Variants in ALCAM observed in about 807,000 individuals in gnomAD.
ALCAM encodes the protein CD166 antigen.
A neutral mutation model predicts 70.9 loss-of-function variants in ALCAM; 30 were observed. That is an observed-to-expected ratio of 0.42 (90% CI 0.32 to 0.57). The LOEUF is 0.57. Among genes scored for constraint, ALCAM ranks in the 20% least tolerant of loss-of-function variants. ALCAM has a pLI of 0.11. For missense variants in ALCAM, 591 were observed against 695.1 expected, an observed-to-expected ratio of 0.85 and a Z score of 1.68; for synonymous variants, 249 against 242.5, an observed-to-expected ratio of 1.03 and a Z score of -0.25.
chr3:105,389,740 C>T (rs754841704), intron 1 of ALCAM, among the ~76,000 whole-genome samples: 2 of 151,146 alleles, frequency 1.3e-5, no homozygotes, highest in African/African-American at 2.4e-5. Flanking sequence ...GTCCCTCCCC[C>T]CTACCCCCTC....
At chr3:105,414,218 G>A (rs185285471) in intron 1 of ALCAM, among the ~76,000 whole-genome samples, 92 of 148,524 alleles carry the variant, frequency 6.2e-4, no homozygotes, top group African/African-American at 2.2e-3. Flanking sequence ...GGGCAAAACC[G>A]ATGGAATGAT....
At chr3:105,568,058 A>ATTTTTT (rs34005304) in intron 14 of ALCAM, among the ~76,000 whole-genome samples, 11 of 116,282 alleles carry the variant, frequency 9.5e-5, no homozygotes, top group African/African-American at 2.1e-4. Flanking sequence ...ATTTTATTTT[A>ATTTTTT]TTTTATTTTT....
At chr3:105,372,845 A>G (rs761150805) in intron 1 of ALCAM, among the ~76,000 whole-genome samples, 5 of 152,122 alleles carry the variant, frequency 3.3e-5, no homozygotes, top group Non-Finnish European at 7.4e-5. Context: ...AAAAACATCT[A>G]TGAGATGAAA....
intron 1 of ALCAM, among the ~76,000 whole-genome samples, chr3:105,492,534 T>C (rs1364213043): frequency 2.0e-5 from 3 of 152,206 alleles, no homozygotes; most frequent in Non-Finnish European, 4.4e-5. Flanking sequence ...TCTCTGACTA[T>C]TTAAATTTTA....
At chr3:105,369,914 G>A (rs1010746177) in intron 1 of ALCAM, among the ~76,000 whole-genome samples, 1 of 152,038 alleles carries the variant, frequency 6.6e-6, no homozygotes, top group Non-Finnish European at 1.5e-5. Flanking sequence ...TTCAACATCC[G>A]AGATAGCAAT....
At chr3:105,469,157 A>G (rs1386542008) in intron 1 of ALCAM, among the ~76,000 whole-genome samples, 1 of 107,590 alleles carries the variant, frequency 9.3e-6, no homozygotes, top group Non-Finnish European at 1.9e-5. Context: ...TATTCCCCCA[A>G]CAAGTATTGC....
At chr3:105,491,854 G>A (rs1938595001) in intron 1 of ALCAM, among the ~76,000 whole-genome samples, 2 of 152,130 alleles carry the variant, frequency 1.3e-5, no homozygotes, top group Admixed American at 6.5e-5. Context: ...ACATCTTCCT[G>A]TCTTCTTCTG....
chr3:105,378,253 T>C (rs1407820063), intron 1 of ALCAM, among the ~76,000 whole-genome samples: 1 of 151,982 alleles, frequency 6.6e-6, no homozygotes, highest in Non-Finnish European at 1.5e-5. Flanking sequence ...AAAAATTATA[T>C]GCCGAAAGTA....
At chr3:105,390,246 T>C (rs1239614002) in intron 1 of ALCAM, among the ~76,000 whole-genome samples, 1 of 151,890 alleles carries the variant, frequency 6.6e-6, no homozygotes, top group African/African-American at 2.4e-5. Flanking sequence ...CTTGCCAGCA[T>C]CTGCAGCATC....
chr3:105,426,355 T>A lies in ALCAM; in HGVS notation c.73+58874T>A, dbSNP rs566632125. Among the ~76,000 whole-genome samples the A allele has an allele frequency of 2.6e-5, 4 of 152,102 alleles. No individual in the cohort carries two copies. In the East Asian group the frequency reaches 7.8e-4, roughly 29 times the overall value. ...TAAAACATTATTATATTCTTTAAAA[T>A]GTACATATAACAATTGTACATATTT... is the stretch of plus-strand genomic sequence containing the variant. On this transcript the variant is annotated intron_variant, in intron 1 of 15. Coordinates refer to ENST00000306107, the MANE Select transcript of ALCAM (RefSeq NM_001627.4).
intron 1 of ALCAM, among the ~76,000 whole-genome samples, chr3:105,488,300 T>C (rs1447202950): frequency 6.6e-6 from 1 of 151,988 alleles, no homozygotes; most frequent in Non-Finnish European, 1.5e-5. Flanking sequence ...TTACCCAGCC[T>C]AACAAACAGA....
intron 1 of ALCAM, among the ~76,000 whole-genome samples, chr3:105,483,245 T>C (rs1045425345): frequency 6.6e-6 from 1 of 152,188 alleles, no homozygotes; most frequent in African/African-American, 2.4e-5. Context: ...CGTTTACTCA[T>C]TTCTGTCCTA....
At chr3:105,369,177 A>C (rs1935158857) in intron 1 of ALCAM, among the ~76,000 whole-genome samples, 1 of 152,130 alleles carries the variant, frequency 6.6e-6, no homozygotes, top group African/African-American at 2.4e-5. Context: ...TGGAGAATGT[A>C]ATCTCACCCT....
intron 14 of ALCAM, among the ~76,000 whole-genome samples, chr3:105,570,753 G>A (rs1940843663): frequency 6.6e-6 from 1 of 152,150 alleles, no homozygotes; most frequent in Admixed American, 6.5e-5. Context: ...ACAAACTTAA[G>A]GTTGAGTTTA....
intron 1 of ALCAM, among the ~76,000 whole-genome samples, chr3:105,449,342 T>C (rs1341714557): frequency 6.6e-6 from 1 of 152,212 alleles, no homozygotes; most frequent in Non-Finnish European, 1.5e-5. Context: ...AAGTAAGTTA[T>C]TCAAATCTTG....
chr3:105,386,639 G>A (rs534585426), intron 1 of ALCAM, among the ~76,000 whole-genome samples: 12 of 150,086 alleles, frequency 8.0e-5, no homozygotes, highest in African/African-American at 2.7e-4. Flanking sequence ...TCTAGACTTG[G>A]GCTTGTCATT....
chr3:105,531,024 C>T (rs1319888060), intron 3 of ALCAM, among the ~76,000 whole-genome samples: 1 of 151,850 alleles, frequency 6.6e-6, no homozygotes. Context: ...GAAAAAGTAG[C>T]TGATTGTTTA....
chr3:105,456,311 A>G (rs1559797874), intron 1 of ALCAM, among the ~76,000 whole-genome samples: 1 of 152,316 alleles, frequency 6.6e-6, no homozygotes, highest in East Asian at 1.9e-4. Flanking sequence ...GGACAAAGCC[A>G]AGAACAGTTG....
At chr3:105,454,450 C>A (rs1937505675) in intron 1 of ALCAM, among the ~76,000 whole-genome samples, 1 of 152,074 alleles carries the variant, frequency 6.6e-6, no homozygotes, top group South Asian at 2.1e-4. Flanking sequence ...CCCCATCTCC[C>A]CGCATGCTTT....
Sources: gnomAD v4.1 joint callset for allele counts (sites outside exome capture counted in the v4.1 genomes callset) on GRCh38, gnomAD v4.1.1 for gene constraint, MANE v1.5 for transcripts, NCBI Gene and HGNC (gene_info 2026-07-23, HGNC 2026-07-21) for gene names.